Variants in NEGR1 observed in about 807,000 individuals in gnomAD.
NEGR1 encodes IgLON family member 4.
NEGR1 carries 10 observed loss-of-function variants against 40.9 expected under a neutral mutation model. The observed-to-expected ratio is 0.24, with a 90% CI of 0.15 to 0.42. The LOEUF is 0.42. NEGR1 is among the 10% of genes least tolerant of loss of function. The pLI, the probability that NEGR1 is intolerant of heterozygous loss-of-function variation, is 1.00. For synonymous variants in NEGR1, 185 were observed against 166.8 expected (o/e 1.11, Z -0.84); for missense variants, 352 against 438.9 (o/e 0.80, Z 1.77).
chr1:72,262,723 T>C lies in NEGR1; in HGVS notation c.176+19596A>G, dbSNP rs1312437919. On this transcript the variant is annotated intron_variant, in intron 1 of 6. Transcript: ENST00000357731. ...CAATAAAGGTACATATATGCTTAAT[T>C]AGTGGTACATTATTTGAAGATATTT... Among the ~76,000 whole-genome samples the C allele has an allele frequency of 2.0e-5, 3 of 151,914 alleles. No individual in the cohort carries two copies. The East Asian group carries it at 5.8e-4, about 29-fold the overall frequency.
intron 1 of NEGR1, among the ~76,000 whole-genome samples, chr1:72,081,862 T>C (rs560515851): frequency 1.3e-5 from 2 of 152,194 alleles, no homozygotes; most frequent in African/African-American, 4.8e-5. Flanking sequence ...CTCTTAGCAA[T>C]GACAAGTACT....
intron 4 of NEGR1, among the ~76,000 whole-genome samples, chr1:71,663,517 C>T (rs777975545): frequency 6.6e-6 from 1 of 152,170 alleles, no homozygotes; most frequent in Non-Finnish European, 1.5e-5. Flanking sequence ...AAAACCCTTA[C>T]TTCTGAAGAG....
chr1:71,843,019 T>G (rs1659295938), intron 2 of NEGR1, among the ~76,000 whole-genome samples: 2 of 152,324 alleles, frequency 1.3e-5, no homozygotes, highest in Non-Finnish European at 2.9e-5. Context: ...TATTTCTGCC[T>G]TTTTGATTTT....
At chr1:71,427,153 G>C (rs1646434124) in intron 6 of NEGR1, among the ~76,000 whole-genome samples, 1 of 152,170 alleles carries the variant, frequency 6.6e-6, no homozygotes, top group Non-Finnish European at 1.5e-5. Flanking sequence ...GCACATATAT[G>C]TAGCTGGATA....
chr1:72,026,296 G>C (rs1646809192), intron 1 of NEGR1, among the ~76,000 whole-genome samples: 1 of 151,334 alleles, frequency 6.6e-6, no homozygotes, highest in South Asian at 2.1e-4. Flanking sequence ...GACTTTAGCA[G>C]TCATTTTCTA....
chr1:71,745,934 T>G (rs1057026690), intron 3 of NEGR1, among the ~76,000 whole-genome samples: 4 of 152,168 alleles, frequency 2.6e-5, no homozygotes, highest in Non-Finnish European at 5.9e-5. Context: ...GGGGTCCTAC[T>G]CTAGATCTAG....
intron 1 of NEGR1, among the ~76,000 whole-genome samples, chr1:72,270,471 G>C (rs987178535): frequency 3.3e-5 from 5 of 151,808 alleles, no homozygotes; most frequent in Non-Finnish European, 5.9e-5. Context: ...ATGCTCCAAG[G>C]AACCATAAGA....
chr1:72,019,243 T>C (rs1251326531), intron 1 of NEGR1, among the ~76,000 whole-genome samples: 3 of 152,150 alleles, frequency 2.0e-5, no homozygotes, highest in African/African-American at 4.8e-5. Flanking sequence ...TGACTTAAAA[T>C]AGTATGGTAA....
At chr1:71,897,543 T>C (rs1483821439) in intron 2 of NEGR1, among the ~76,000 whole-genome samples, 1 of 152,132 alleles carries the variant, frequency 6.6e-6, no homozygotes, top group Non-Finnish European at 1.5e-5. Context: ...ACAAATGAAA[T>C]TGTAAGTTTG....
At chr1:72,139,308 C>T (rs1650584948) in intron 1 of NEGR1, among the ~76,000 whole-genome samples, 1 of 147,774 alleles carries the variant, frequency 6.8e-6, no homozygotes, top group Non-Finnish European at 1.5e-5. Flanking sequence ...TAATACAGAT[C>T]AGCATAGAAA....
At chr1:71,580,320 G>T (rs953717800) in intron 6 of NEGR1, among the ~76,000 whole-genome samples, 1 of 150,164 alleles carries the variant, frequency 6.7e-6, no homozygotes, top group Admixed American at 6.7e-5. Flanking sequence ...GGCATGGGGA[G>T]GGGGGAGGGA....
intron 6 of NEGR1, among the ~76,000 whole-genome samples, chr1:71,472,347 C>A (rs1022869482): frequency 6.6e-6 from 1 of 152,052 alleles, no homozygotes; most frequent in Admixed American, 6.6e-5. Context: ...ACCTTTCTTC[C>A]ACTATTTATT....
intron 1 of NEGR1, among the ~76,000 whole-genome samples, chr1:72,251,272 C>G (rs1278518920): frequency 4.6e-5 from 7 of 152,090 alleles, no homozygotes; most frequent in Non-Finnish European, 8.8e-5. Flanking sequence ...TAGTTTTACA[C>G]TGATTTTTGA....
intron 6 of NEGR1, among the ~76,000 whole-genome samples, chr1:71,568,668 A>C (rs966814504): frequency 1.3e-5 from 2 of 152,156 alleles, no homozygotes; most frequent in African/African-American, 4.8e-5. Flanking sequence ...ATATACATCT[A>C]TATACATATA....
chr1:71,824,875 T>C (rs1239830061), intron 2 of NEGR1, among the ~76,000 whole-genome samples: 1 of 152,012 alleles, frequency 6.6e-6, no homozygotes, highest in South Asian at 2.1e-4. Flanking sequence ...AATACCTGAA[T>C]AATCAACAAT....
chr1:72,073,037 G>T (rs1338549472), intron 1 of NEGR1, among the ~76,000 whole-genome samples: 1 of 152,154 alleles, frequency 6.6e-6, no homozygotes. Flanking sequence ...ATTGGGGAAT[G>T]CTCCTGGCAT....
intron 1 of NEGR1, among the ~76,000 whole-genome samples, chr1:72,188,703 C>A (rs1309221791): frequency 6.6e-6 from 1 of 151,374 alleles, no homozygotes. Flanking sequence ...TAAATGGAAT[C>A]ATCTCCTTAT....
At chr1:72,111,135 CAT>C (rs1411239004) in intron 1 of NEGR1, among the ~76,000 whole-genome samples, 170 of 151,076 alleles carry the variant, frequency 1.1e-3, no homozygotes, top group African/African-American at 3.8e-3. Context: ...CACACACACA[CAT>C]GCAGATTTCT....
At chr1:71,788,947 TA>T (rs1228341174) in intron 2 of NEGR1, among the ~76,000 whole-genome samples, 1 of 152,026 alleles carries the variant, frequency 6.6e-6, no homozygotes, top group Non-Finnish European at 1.5e-5. Flanking sequence ...TAAAATAGAT[TA>T]AAAATACAAT....
Sources: gnomAD v4.1 joint callset for allele counts (sites outside exome capture counted in the v4.1 genomes callset) on GRCh38, gnomAD v4.1.1 for gene constraint, MANE v1.5 for transcripts, NCBI Gene and HGNC (gene_info 2026-07-23, HGNC 2026-07-21) for gene names.